The following PTPRD variants were observed in gnomAD, a reference collection of about 807,000 sequenced individuals.
PTPRD encodes protein tyrosine phosphatase receptor type D.
In PTPRD, 34 loss-of-function variants were observed where a neutral mutation model predicts 214.5. That is an observed-to-expected ratio of 0.16 (90% CI 0.12 to 0.21). The LOEUF is 0.21. Among genes scored for constraint, PTPRD ranks in the 10% least tolerant of loss-of-function variants. The pLI, the probability that PTPRD is intolerant of heterozygous loss-of-function variation, is 1.00. For synonymous variants in PTPRD, 1,128 were observed against 845.7 expected, an observed-to-expected ratio of 1.33 and a Z score of -5.79; for missense variants, 2,545 against 2,398.7, an observed-to-expected ratio of 1.06 and a Z score of -1.27.
At chr9:10,146,323 C>T (rs1011563538) in intron 3 of PTPRD, among the ~76,000 whole-genome samples, 2 of 151,980 alleles carry the variant, frequency 1.3e-5, no homozygotes, top group African/African-American at 4.8e-5. Flanking sequence ...CAGAAAAACA[C>T]TATCCTAAGT....
At chr9:10,221,767 G>A (rs1303332728) in intron 3 of PTPRD, among the ~76,000 whole-genome samples, 2 of 151,420 alleles carry the variant, frequency 1.3e-5, no homozygotes, top group Middle Eastern at 3.5e-3. Context: ...TTAAACTAGT[G>A]TTCATGGCTA....
At chr9:8,336,672 T>G (rs1847172100) in intron 43 of PTPRD, among the ~76,000 whole-genome samples, 1 of 144,146 alleles carries the variant, frequency 6.9e-6, no homozygotes, top group Admixed American at 6.9e-5. Flanking sequence ...ACAGGCAACC[T>G]ACAGAATGGG....
rs111260251 is a variant in PTPRD, at chr9:9,892,840, C to G, written c.-368+45667G>C. ...CAAGTTTAAGGTAATGTTAAAAAGA[C>G]TTAAAGAGGTACTGGTTATAGTACA... On this transcript the variant is annotated intron_variant, in intron 5 of 45. Coordinates refer to ENST00000381196, the MANE Select transcript of PTPRD (RefSeq NM_002839.4). Among the ~76,000 whole-genome samples the G allele has an allele frequency of 2.2e-4, 33 of 151,834 alleles. 1 individual carries two copies. The highest frequency in any genetic ancestry group is 7.7e-4 in the African/African-American group (32 of 41,412).
In PTPRD at chr9:8,314,655, A is replaced by G. The variant is rs1587135291; in HGVS notation, c.*3219T>C. 4 of 232,002 alleles carry G rather than the reference A, an allele frequency of 1.7e-5. No homozygotes were observed. The highest frequency in any genetic ancestry group is 2.6e-5 in the Non-Finnish European group (3 of 117,232). 14.4% of individuals were successfully genotyped at this position (232,002 alleles called of 1,614,324 possible). A position where few individuals can be genotyped will look rare whatever the true frequency, so the allele number is the denominator to read the frequency against. ...ACCCAAAAAGAAAAACAAAAAGGGAATTAAAAATAAAAGGACTTAAAGCAA... is the reference window on the plus strand; with the variant it reads ...ACCCAAAAAGAAAAACAAAAAGGGAGTTAAAAATAAAAGGACTTAAAGCAA... On this transcript the variant is annotated 3_prime_UTR_variant, in exon 46 of 46. Transcript: ENST00000381196.
At chr9:8,333,502 G>A (rs913589981) in intron 43 of PTPRD, among the ~76,000 whole-genome samples, 3 of 152,150 alleles carry the variant, frequency 2.0e-5, no homozygotes, top group Non-Finnish European at 2.9e-5. Context: ...AAAAGCAAAT[G>A]CTGAGAGATT....
chr9:8,663,114 G>C (rs1371906101), intron 12 of PTPRD, among the ~76,000 whole-genome samples: 4 of 151,996 alleles, frequency 2.6e-5, no homozygotes, highest in East Asian at 1.9e-4. Context: ...ATTTGGAATT[G>C]AGCTTTTGAA....
chr9:9,033,717 T>C (rs2099612978), intron 10 of PTPRD, among the ~76,000 whole-genome samples: 2 of 152,144 alleles, frequency 1.3e-5, no homozygotes, highest in Non-Finnish European at 1.5e-5. Flanking sequence ...TCTGTTCTTT[T>C]ATTCTCTCTT....
chr9:9,017,933 T>G (rs1333189778), intron 11 of PTPRD, among the ~76,000 whole-genome samples: 4 of 152,128 alleles, frequency 2.6e-5, no homozygotes, highest in East Asian at 1.9e-4. Flanking sequence ...TAGTTTCCAG[T>G]CTCTACTTAC....
At chr9:9,528,068 C>T (rs958311736) in intron 8 of PTPRD, among the ~76,000 whole-genome samples, 2 of 152,170 alleles carry the variant, frequency 1.3e-5, no homozygotes, top group African/African-American at 2.4e-5. Flanking sequence ...ACAATCCAGC[C>T]ATCTTGTGAA....
intron 10 of PTPRD, among the ~76,000 whole-genome samples, chr9:9,082,141 T>C (rs970373497): frequency 3.9e-5 from 6 of 152,084 alleles, no homozygotes; most frequent in African/African-American, 1.4e-4. Context: ...TACCAAAACC[T>C]GGCAGAGACA....
chr9:10,572,343 T>C (rs902370792), intron 2 of PTPRD, among the ~76,000 whole-genome samples: 8 of 152,184 alleles, frequency 5.3e-5, no homozygotes, highest in Admixed American at 2.0e-4. Flanking sequence ...ATAAGTGTCA[T>C]TCCTGGAGGA....
At chr9:9,195,957 CTTCTT>C (rs1402204498) in intron 9 of PTPRD, among the ~76,000 whole-genome samples, 1 of 152,100 alleles carries the variant, frequency 6.6e-6, no homozygotes, top group Non-Finnish European at 1.5e-5. Flanking sequence ...ATTCTAAACT[CTTCTT>C]CTCTTACCTA....
At chr9:8,842,646 C>G (rs920187714) in intron 11 of PTPRD, among the ~76,000 whole-genome samples, 4 of 152,104 alleles carry the variant, frequency 2.6e-5, no homozygotes, top group African/African-American at 9.7e-5. Flanking sequence ...ACCAAACTGT[C>G]AGGGGTGGAG....
chr9:10,089,163 T>C (rs2098398998), intron 3 of PTPRD, among the ~76,000 whole-genome samples: 1 of 150,528 alleles, frequency 6.6e-6, no homozygotes, highest in African/African-American at 2.4e-5. Context: ...GCTATGATAG[T>C]GCCAAGCATC....
At chr9:10,031,647 T>TATATACACACACACACACAC in intron 4 of PTPRD, among the ~76,000 whole-genome samples, 13 of 89,602 alleles carry the variant, frequency 1.5e-4, no homozygotes, top group African/African-American at 4.9e-4. Flanking sequence ...TATATATATA[T>TATATACACACACACACACAC]ACACACACAC....
chr9:8,421,951 C>G (rs543202544), intron 35 of PTPRD, among the ~76,000 whole-genome samples: 1 of 151,236 alleles, frequency 6.6e-6, no homozygotes, highest in Non-Finnish European at 1.5e-5. Context: ...AGTTCGAGAC[C>G]AACCTGTGCA....
intron 12 of PTPRD, among the ~76,000 whole-genome samples, chr9:8,669,217 T>C (rs2097419228): frequency 6.6e-6 from 1 of 152,000 alleles, no homozygotes; most frequent in African/African-American, 2.4e-5. Context: ...TACTAGAGGG[T>C]AGCGGGGTGA....
intron 9 of PTPRD, among the ~76,000 whole-genome samples, chr9:9,246,688 C>G (rs137855284): frequency 6.6e-6 from 1 of 152,130 alleles, no homozygotes; most frequent in East Asian, 1.9e-4. Context: ...AGTAAGCCCA[C>G]CGGCAACATC....
intron 9 of PTPRD, among the ~76,000 whole-genome samples, chr9:9,333,503 A>ATT (rs558852749): frequency 4.7e-4 from 49 of 103,500 alleles, no homozygotes; most frequent in African/African-American, 2.0e-3. Flanking sequence ...TATATAGTAT[A>ATT]TTATATATAT....
Sources: gnomAD v4.1 joint callset for allele counts (sites outside exome capture counted in the v4.1 genomes callset) on GRCh38, gnomAD v4.1.1 for gene constraint, MANE v1.5 for transcripts, NCBI Gene and HGNC (gene_info 2026-07-23, HGNC 2026-07-21) for gene names.